The following PANX1 variants were observed in gnomAD, a reference collection of about 807,000 sequenced individuals.
PANX1 encodes pannexin-1.
In PANX1, 30 loss-of-function variants were observed where a neutral mutation model predicts 38.7. That is an observed-to-expected ratio of 0.78 (90% CI 0.58 to 1.05). PANX1 has a LOEUF of 1.05. PANX1 is among the 50% of genes least tolerant of loss of function. The pLI is 0.00. For synonymous variants in PANX1, 230 were observed against 212.2 expected (o/e 1.08, Z -0.73); for missense variants, 551 against 517.2 (o/e 1.07, Z -0.63).
At chr11:94,153,440 G>C (rs376871667) in intron 1 of PANX1, 51 bp from the exon 2 acceptor site, 2 of 1,595,542 alleles carry the variant, frequency 1.3e-6, no homozygotes, top group Non-Finnish European at 1.7e-6. Context: ...ATGGGGACAA[G>C]AGTCCAGGTA....
chr11:94,146,698 C>G (rs1946832035), intron 1 of PANX1, among the ~76,000 whole-genome samples: 1 of 152,196 alleles, frequency 6.6e-6, no homozygotes, highest in African/African-American at 2.4e-5. Context: ...TTGCATTAAA[C>G]AGGTGGTGCT....
chr11:94,134,635 T>TC (rs1479428856), intron 1 of PANX1, among the ~76,000 whole-genome samples: 1 of 133,758 alleles, frequency 7.5e-6, no homozygotes, highest in Non-Finnish European at 1.6e-5. Flanking sequence ...CCTCTTTCTC[T>TC]CCCCCCTCCC....
At chr11:94,174,109 T>C (rs900454602) in intron 2 of PANX1, among the ~76,000 whole-genome samples, 4 of 151,416 alleles carry the variant, frequency 2.6e-5, no homozygotes, top group Non-Finnish European at 4.4e-5. Context: ...CATTTGGCCT[T>C]CTGATAAGGA....
intron 1 of PANX1, among the ~76,000 whole-genome samples, chr11:94,132,923 G>T (rs763264178): frequency 4.6e-5 from 7 of 152,224 alleles, no homozygotes; most frequent in Non-Finnish European, 7.3e-5. Context: ...CAGGTTCTCT[G>T]TGGGGGTGGG....
chr11:94,136,032 T>C (rs544161041), intron 1 of PANX1, among the ~76,000 whole-genome samples: 10 of 152,320 alleles, frequency 6.6e-5, no homozygotes, highest in African/African-American at 2.2e-4. Context: ...TCAAAATTTC[T>C]ACTCACACAT....
chr11:94,180,823 A>G lies in PANX1; in HGVS notation c.1235A>G (p.Asn412Ser), dbSNP rs1947297751. The G allele has an allele frequency of 3.1e-6, 5 of 1,588,840 alleles. No homozygotes were observed. The highest frequency in any genetic ancestry group is 1.3e-5 in the African/African-American group (1 of 74,478). Reference sequence around the variant, plus strand: ...ATAGACAGTGAAACTAAAGCAAATAATGGAGAGAAGAATGCCCGACAGAGA... The same window carrying G: ...ATAGACAGTGAAACTAAAGCAAATAGTGGAGAGAAGAATGCCCGACAGAGA... ...MNIDSETKAN[N>S]GEKNARQRLL... The change falls in exon 5 of 5, where the codon AAT becomes AGT. Residue 412 changes from asparagine (N) to serine (S), a missense_variant. By Grantham distance (46) the Asn-to-Ser change is conservative. Coordinates refer to ENST00000227638, the MANE Select transcript of PANX1 (RefSeq NM_015368.4).
intron 2 of PANX1, among the ~76,000 whole-genome samples, chr11:94,164,210 A>G (rs1565381569): frequency 6.6e-6 from 1 of 151,478 alleles, no homozygotes; most frequent in African/African-American, 2.4e-5. Context: ...TTTGGTTTCA[A>G]TTTTATTTCT....
At chr11:94,180,524 T>A (rs1436599176) in intron 4 of PANX1, among the ~76,000 whole-genome samples, 1 of 152,220 alleles carries the variant, frequency 6.6e-6, no homozygotes, top group Non-Finnish European at 1.5e-5. Flanking sequence ...TGTCTCACAC[T>A]CTCTCTTGCT....
chr11:94,161,366 C>T lies in PANX1; in HGVS notation c.321+7736C>T, dbSNP rs537295999. The stretch of plus-strand genomic sequence containing the variant: ...CCCTGTCACTTTCAGGTACACCAAT[C>T]AGACGCAGATTTGGTCTTCTCACAT... On this transcript the variant is annotated intron_variant, in intron 2 of 4. Transcript: ENST00000227638. 3.9e-5 allele frequency among the ~76,000 whole-genome samples: 6 copies of T among 152,368 alleles called. No individual in the cohort carries two copies. The South Asian group carries it at 1.2e-3, about 32-fold the overall frequency.
intron 2 of PANX1, among the ~76,000 whole-genome samples, chr11:94,160,863 C>G (rs1194547620): frequency 2.6e-5 from 4 of 152,198 alleles, no homozygotes; most frequent in Admixed American, 2.6e-4. Flanking sequence ...TGGCTGGTAC[C>G]ATTTGTTCCT....
At chr11:94,159,083 AT>A (rs1946989260) in intron 2 of PANX1, among the ~76,000 whole-genome samples, 1 of 152,218 alleles carries the variant, frequency 6.6e-6, no homozygotes, top group Non-Finnish European at 1.5e-5. Flanking sequence ...CCAGCCTTGC[AT>A]CCCAGGGTTG....
Position 94,178,467 on chromosome 11 carries a change from G to A in PANX1, c.420G>A (p.Lys140=). The change falls in exon 3 of 5, where the codon AAG becomes AAA. Residue 140 remains lysine (K), a synonymous_variant. Coordinates refer to ENST00000227638, the MANE Select transcript of PANX1 (RefSeq NM_015368.4). ...CTCCTCATATTTGCTCAGACTTGAA[G>A]TTTATCATGGAAGAACTTGACAAAG... ...AAAPHICSDL[K]FIMEELDKVY... The A allele has an allele frequency of 1.2e-6, 2 of 1,614,128 alleles. No individual in the cohort carries two copies. Among genetic ancestry groups the A allele is most frequent in the South Asian group, 2.2e-5 (2 of 91,072 alleles).
intron 1 of PANX1, among the ~76,000 whole-genome samples, chr11:94,144,669 C>G (rs1209464705): frequency 1.3e-5 from 2 of 152,142 alleles, no homozygotes; most frequent in African/African-American, 4.8e-5. Flanking sequence ...ACGGGCTGGC[C>G]TGGCATTCCA....
At chr11:94,135,478 T>C (rs1203185892) in intron 1 of PANX1, among the ~76,000 whole-genome samples, 1 of 152,214 alleles carries the variant, frequency 6.6e-6, no homozygotes, top group Non-Finnish European at 1.5e-5. Flanking sequence ...CAGGCTGCTT[T>C]TTAGCATGTA....
intron 1 of PANX1, among the ~76,000 whole-genome samples, chr11:94,142,221 G>C (rs1223705274): frequency 6.6e-6 from 1 of 152,166 alleles, no homozygotes; most frequent in African/African-American, 2.4e-5. Context: ...TTGGATTCCT[G>C]CTGGGGAGGG....
At chr11:94,175,814 C>A in intron 2 of PANX1, 1 of 984,648 alleles carries the variant, frequency 1.0e-6, no homozygotes, top group Non-Finnish European at 1.2e-6. Flanking sequence ...TGTGTAGCAG[C>A]CCTTTGCAAA....
intron 1 of PANX1, among the ~76,000 whole-genome samples, chr11:94,141,601 G>A (rs1015835368): frequency 1.3e-5 from 2 of 151,890 alleles, no homozygotes; most frequent in Non-Finnish European, 2.9e-5. Flanking sequence ...AAGCTAAAAT[G>A]TTTTTTTCAA....
In PANX1 at chr11:94,175,680, T is replaced by C. The variant is rs1947224534; in HGVS notation, c.322-2689T>C. ...GCAGAAACTCTGTGTCATGCACTTA[T>C]GTTTTTAAACTAATGGGCACCCTTC... On this transcript the variant is annotated intron_variant, in intron 2 of 4. Transcript: ENST00000227638. 1.6e-5 allele frequency: 14 copies of C among 897,368 alleles called. 1 individual carries two copies. Among genetic ancestry groups the C allele is most frequent in the South Asian group, 1.0e-4 (2 of 19,470 alleles). The allele number at this position is 897,368 out of a possible 1,614,324, so 55.6% of individuals were successfully genotyped here.
chr11:94,145,406 A>G (rs1946816930), intron 1 of PANX1, among the ~76,000 whole-genome samples: 1 of 152,236 alleles, frequency 6.6e-6, no homozygotes, highest in African/African-American at 2.4e-5. Context: ...ATGCTCCAGA[A>G]GCACTGTTAT....
Sources: allele counts gnomAD v4.1 joint callset (sites outside exome capture counted in the v4.1 genomes callset), GRCh38; gene constraint gnomAD v4.1.1; transcripts MANE v1.5; gene names NCBI Gene and HGNC (gene_info 2026-07-23, HGNC 2026-07-21).